The following LRP2 variants were observed in gnomAD, a reference collection of about 807,000 sequenced individuals.
LRP2 encodes the protein low-density lipoprotein receptor-related protein 2.
In LRP2, 172 loss-of-function variants were observed where a neutral mutation model predicts 531.0. The observed-to-expected ratio is 0.32, with a 90% CI of 0.29 to 0.37. The LOEUF (loss-of-function observed/expected upper bound fraction) is 0.37. Ranked by LOEUF, LRP2 falls within the 10% of genes least tolerant of loss-of-function variation. The pLI, the probability that LRP2 is intolerant of heterozygous loss-of-function variation, is 1.00. For synonymous variants in LRP2, 1,992 were observed against 2,027.6 expected (o/e 0.98, Z 0.47); for missense variants, 5,167 against 5,868.3 (o/e 0.88, Z 3.90).
chr2:169,305,529 A>G (rs1684392430), intron 4 of LRP2, among the ~76,000 whole-genome samples: 1 of 152,208 alleles, frequency 6.6e-6, no homozygotes, highest in Non-Finnish European at 1.5e-5. Context: ...AAATTATAAA[A>G]CAATAGAGGA....
intron 57 of LRP2, 101 bp from the exon 58 acceptor site, chr2:169,172,235 C>T: frequency 1.4e-6 from 2 of 1,381,462 alleles, no homozygotes; most frequent in African/African-American, 1.4e-5. Flanking sequence ...TGTATTAGCT[C>T]ACTCTTGAAG....
intron 10 of LRP2, 39 bp downstream of exon 10, chr2:169,282,834 T>C (rs766967020): frequency 5.0e-6 from 8 of 1,600,942 alleles, no homozygotes; most frequent in African/African-American, 1.3e-5. Context: ...TTAGAATCTG[T>C]TCACTGTTCA....
chr2:169,147,093 A>G (rs567142166), intron 68 of LRP2, 134 bp from the exon 69 acceptor site: 2 of 726,674 alleles, frequency 2.8e-6, no homozygotes, highest in East Asian at 5.4e-5. Flanking sequence ...CACCAGTTTT[A>G]TATTTTACAG....
At chr2:169,314,417 CT>C (rs1397431782) in intron 3 of LRP2, among the ~76,000 whole-genome samples, 2 of 135,470 alleles carry the variant, frequency 1.5e-5, no homozygotes, top group South Asian at 2.2e-4. Flanking sequence ...AGCAAGACCC[CT>C]GTCTCTAAAA....
chr2:169,231,780 G>A lies in LRP2; in HGVS notation c.5161C>T (p.His1721Tyr), dbSNP rs1208038689. 1.2e-6 allele frequency: 2 copies of A among 1,614,110 alleles called. No individual in the cohort carries two copies. The highest frequency in any genetic ancestry group is 1.1e-5 in the South Asian group (1 of 91,076). ...HLCLLSSQGP[H>Y]FYSCVCPSGW... is the part of the protein sequence containing the mutation. ...GAAGGACAAACACAGGAGTAAAAAT[G>A]AGGCCCCTGTGAGGAAAGCAGGCAG... is the stretch of plus-strand genomic sequence containing the variant. The change falls in exon 31 of 79, where the codon CAT becomes TAT. Residue 1721 changes from histidine to tyrosine, a missense_variant. Around this residue, in one of 6 missense-constraint regions of LRP2, gnomAD observed 2,811 missense variants for 3,058.0 expected, o/e 0.92. Coordinates refer to ENST00000649046, the MANE Select transcript of LRP2 (RefSeq NM_004525.3).
rs146115458 is a variant in LRP2, at chr2:169,188,151, G to T, written c.9147C>A (p.Phe3049Leu). ...CACAGTCATTATCCTCATCACAGAC[G>T]AAGGTTTTACTAATGCAGCGCCCGT... ...CQNGRCISKTFVCDEDNDCGD... is the reference protein window; with the variant it reads ...CQNGRCISKTLVCDEDNDCGD... Residue 3049 changes from phenylalanine (F) to leucine (L), a missense_variant, in exon 49 of 79, where the codon TTC (phenylalanine) becomes TTA (leucine). Phe to Leu is a conservative substitution (Grantham distance 22). Transcript: ENST00000649046. The T allele has an allele frequency of 1.2e-6, 2 of 1,614,070 alleles. No homozygotes were observed. Among genetic ancestry groups the T allele is most frequent in the South Asian group, 1.1e-5 (1 of 91,066 alleles).
chr2:169,287,141 C>T lies in LRP2; in HGVS notation c.1042+1885G>A, dbSNP rs901994175. Among the ~76,000 whole-genome samples, 3 of 152,052 alleles carry T rather than the reference C, an allele frequency of 2.0e-5. No individual in the cohort carries two copies. The South Asian group carries it at 6.2e-4, about 32-fold the overall frequency. On this transcript the variant is annotated intron_variant, in intron 9 of 78. Coordinates refer to ENST00000649046, the MANE Select transcript of LRP2 (RefSeq NM_004525.3). ...TCACCACCTAACCAATAAGGGCATT[C>T]GTGTGAAAAGTATCTGTAAATTACT...
chr2:169,283,769 G>C (rs1038442761), intron 9 of LRP2, among the ~76,000 whole-genome samples: 1 of 152,132 alleles, frequency 6.6e-6, no homozygotes, highest in Non-Finnish European at 1.5e-5. Context: ...GTTCATTGAA[G>C]TCCCTTACAT....
intron 3 of LRP2, among the ~76,000 whole-genome samples, chr2:169,307,768 C>A (rs1008921447): frequency 1.3e-5 from 2 of 152,120 alleles, no homozygotes; most frequent in African/African-American, 4.8e-5. Context: ...GGAAATATAC[C>A]AAAGCTTTAA....
intron 52 of LRP2, among the ~76,000 whole-genome samples, chr2:169,179,868 A>G (rs1304628717): frequency 7.6e-6 from 1 of 131,994 alleles, no homozygotes; most frequent in East Asian, 2.7e-4. Flanking sequence ...AGGCATTGCT[A>G]CCTCTCCAAG....
intron 1 of LRP2, among the ~76,000 whole-genome samples, chr2:169,354,196 C>G (rs1014084845): frequency 6.6e-6 from 1 of 152,160 alleles, no homozygotes; most frequent in African/African-American, 2.4e-5. Context: ...CTTTCCTTTT[C>G]GTCTTTTTCA....
At chr2:169,166,180 T>C in intron 61 of LRP2, 126 bp from the exon 62 acceptor site, 1 of 938,590 alleles carries the variant, frequency 1.1e-6, no homozygotes, top group East Asian at 2.6e-5. Context: ...ATTTGATTAA[T>C]CAATCAGCAG....
intron 37 of LRP2, 46 bp downstream of exon 37, chr2:169,211,922 T>C: frequency 1.2e-6 from 2 of 1,612,844 alleles, no homozygotes; most frequent in South Asian, 2.2e-5. Context: ...GATTTCAACC[T>C]GGTGCCAGAT....
At chr2:169,198,411 G>GA (rs1226539518) in intron 45 of LRP2, among the ~76,000 whole-genome samples, 6 of 150,602 alleles carry the variant, frequency 4.0e-5, no homozygotes, top group Admixed American at 2.0e-4. Context: ...GAGACTGTCT[G>GA]AAAAAAAAAT....
chr2:169,272,924 T>C lies in LRP2; in HGVS notation c.2116+3A>G, dbSNP rs779442328. 3.1e-6 allele frequency: 5 copies of C among 1,613,602 alleles called. No homozygotes were observed. Among genetic ancestry groups the C allele is most frequent in the Middle Eastern group, 1.7e-4 (1 of 6,050 alleles). On this transcript the variant is annotated splice_donor_region_variant and intron_variant, in intron 15 of 78. Coordinates refer to ENST00000649046, the MANE Select transcript of LRP2 (RefSeq NM_004525.3). Reference sequence around the variant, plus strand: ...CCAACAACGTCCAAAACAGACTTCTTACCAATGCAGTGGCGCTCATCTGTA... The same window carrying C: ...CCAACAACGTCCAAAACAGACTTCTCACCAATGCAGTGGCGCTCATCTGTA...
chr2:169,130,250 C>A (rs908855989), intron 77 of LRP2, among the ~76,000 whole-genome samples: 5 of 151,380 alleles, frequency 3.3e-5, no homozygotes, highest in African/African-American at 1.2e-4. Context: ...GGATCCTATG[C>A]ATATCAATGT....
chr2:169,164,773 A>C (rs1686722022), intron 62 of LRP2, among the ~76,000 whole-genome samples: 1 of 152,162 alleles, frequency 6.6e-6, no homozygotes, highest in African/African-American at 2.4e-5. Context: ...TCCCAGACTA[A>C]AACCCTGTTC....
rs146149181 is a variant in LRP2 at position 169,211,992 on chromosome 2, T to A, written c.6256A>T (p.Thr2086Ser). ...FSLELSDHSETMVPVAGQGRN... is the reference protein window; with the variant it reads ...FSLELSDHSESMVPVAGQGRN... ...CCTTGGCCTGCCACCGGCACCATGG[T>A]TTCTGAATGATCTGACAATTCCAAG... The change falls in exon 37 of 79, where the codon ACC (threonine) becomes TCC (serine). Residue 2086 changes from threonine (T) to serine (S), a missense_variant. Around this residue, in one of 6 missense-constraint regions of LRP2, gnomAD observed 2,811 missense variants for 3,058.0 expected, o/e 0.92. Coordinates refer to ENST00000649046, the MANE Select transcript of LRP2 (RefSeq NM_004525.3). The A allele has an allele frequency of 9.7e-4, 1,571 of 1,613,926 alleles. 10 individuals are homozygous for A. Among genetic ancestry groups the A allele is most frequent in the Middle Eastern group, 8.9e-3 (54 of 6,060 alleles).
At chr2:169,197,663 T>C (rs1221864321) in intron 45 of LRP2, among the ~76,000 whole-genome samples, 1 of 152,236 alleles carries the variant, frequency 6.6e-6, no homozygotes, top group Non-Finnish European at 1.5e-5. Context: ...TTCTGGTCTA[T>C]AAGGCCGTTT....
Sources: allele counts gnomAD v4.1 joint callset (sites outside exome capture counted in the v4.1 genomes callset), GRCh38; gene constraint gnomAD v4.1.1; regional missense constraint gnomAD v4.1.1; transcripts MANE v1.5; gene names NCBI Gene and HGNC (gene_info 2026-07-23, HGNC 2026-07-21).